CRIM1: variants seen among roughly 807,000 people sequenced by gnomAD.
The protein encoded by CRIM1 is cysteine rich transmembrane BMP regulator 1.
CRIM1 carries 32 observed loss-of-function variants against 116.4 expected under a neutral mutation model. The observed-to-expected ratio is 0.27, with a 90% CI of 0.21 to 0.37. The LOEUF is 0.37. Among genes scored for constraint, CRIM1 ranks in the 10% least tolerant of loss-of-function variants. The probability of loss-of-function intolerance (pLI) is 1.00; values close to 1 mark genes in which losing one functional copy is unlikely to be tolerated. For missense variants in CRIM1, 1,331 were observed against 1,354.8 expected, an observed-to-expected ratio of 0.98 and a Z score of 0.28; for synonymous variants, 590 against 509.2, an observed-to-expected ratio of 1.16 and a Z score of -2.13.
chr2:36,384,102 TA>T (rs1270777897), intron 1 of CRIM1, among the ~76,000 whole-genome samples: 1 of 152,206 alleles, frequency 6.6e-6, no homozygotes, highest in Non-Finnish European at 1.5e-5. Context: ...ACCACAGTGG[TA>T]TCTGGTTTGC....
rs549562758 is a variant in CRIM1, at chr2:36,485,422, A to G, written c.1372+5728A>G. On this transcript the variant is annotated intron_variant, in intron 7 of 16. Transcript: ENST00000280527. Reference sequence around the variant, plus strand: ...TGGAGTTCTGTGAGCTGTCAAATATATTGTCGTCTTCTTCATCAATCCCAA... The same window carrying G: ...TGGAGTTCTGTGAGCTGTCAAATATGTTGTCGTCTTCTTCATCAATCCCAA... Among the ~76,000 whole-genome samples, 12 of 152,224 alleles carry G rather than the reference A, an allele frequency of 7.9e-5. No individual in the cohort carries two copies. In the South Asian group the frequency reaches 2.5e-3, roughly 32 times the overall value.
intron 1 of CRIM1, among the ~76,000 whole-genome samples, chr2:36,358,054 G>A (rs1336866711): frequency 1.3e-5 from 2 of 152,118 alleles, no homozygotes; most frequent in Non-Finnish European, 2.9e-5. Flanking sequence ...GAAGCTAGTG[G>A]GCAGTGATGA....
intron 13 of CRIM1, among the ~76,000 whole-genome samples, chr2:36,522,600 A>C (rs985333354): frequency 6.6e-6 from 1 of 151,968 alleles, no homozygotes; most frequent in Non-Finnish European, 1.5e-5. Context: ...TCAGGAGTTC[A>C]AGACCAGCCT....
chr2:36,425,178 A>G (rs1674358818), intron 2 of CRIM1, among the ~76,000 whole-genome samples: 1 of 152,346 alleles, frequency 6.6e-6, no homozygotes, highest in East Asian at 1.9e-4. Context: ...CTGTGGGTCA[A>G]GTAGCTGCTC....
At chr2:36,394,943 G>A (rs766578187) in intron 1 of CRIM1, among the ~76,000 whole-genome samples, 1 of 150,932 alleles carries the variant, frequency 6.6e-6, no homozygotes, top group Non-Finnish European at 1.5e-5. Context: ...CTTCACTTAC[G>A]TACTGAGCAA....
chr2:36,358,445 C>T (rs1669001549), intron 1 of CRIM1, among the ~76,000 whole-genome samples: 1 of 152,196 alleles, frequency 6.6e-6, no homozygotes, highest in South Asian at 2.1e-4. Flanking sequence ...AAGATTCTAA[C>T]CCTTGTTTTG....
At chr2:36,448,752 A>C (rs926247965) in intron 4 of CRIM1, among the ~76,000 whole-genome samples, 1 of 152,200 alleles carries the variant, frequency 6.6e-6, no homozygotes, top group African/African-American at 2.4e-5. Flanking sequence ...GCCGTTCTTA[A>C]AAGTTATTGA....
intron 11 of CRIM1, among the ~76,000 whole-genome samples, chr2:36,514,958 A>G (rs1664942249): frequency 6.6e-6 from 1 of 152,192 alleles, no homozygotes; most frequent in Non-Finnish European, 1.5e-5. Flanking sequence ...GTTTCCCTGT[A>G]GTTCAGTTAG....
chr2:36,502,585 T>C (rs777456480), intron 8 of CRIM1, among the ~76,000 whole-genome samples: 3 of 152,236 alleles, frequency 2.0e-5, no homozygotes, highest in Non-Finnish European at 4.4e-5. Context: ...ATTCTAGGTA[T>C]TAAGGCCACA....
At position 36,444,147 on chromosome 2, in the gene CRIM1, G is replaced by A. The variant is rs572827018; in HGVS notation, c.869+1412G>A. On this transcript the variant is annotated intron_variant, in intron 4 of 16. Transcript: ENST00000280527. Reference sequence around the variant, plus strand: ...AATCAAAACTAAGCCGGTTGTTAACGAGGTAGTCCTTTAGTGAGGAAAATG... The same window carrying A: ...AATCAAAACTAAGCCGGTTGTTAACAAGGTAGTCCTTTAGTGAGGAAAATG... Among the ~76,000 whole-genome samples, 396 of 152,312 alleles carry A rather than the reference G, an allele frequency of 2.6e-3. 1 individual carries two copies. Among genetic ancestry groups the A allele is most frequent in the Middle Eastern group, 6.8e-3 (2 of 292 alleles).
At chr2:36,510,464 C>G (rs1664582411) in intron 9 of CRIM1, among the ~76,000 whole-genome samples, 2 of 152,142 alleles carry the variant, frequency 1.3e-5, no homozygotes, top group South Asian at 4.1e-4. Context: ...GTTGGAAGTG[C>G]TACAACTCTT....
intron 1 of CRIM1, among the ~76,000 whole-genome samples, chr2:36,373,836 C>G (rs1303260282): frequency 6.6e-6 from 1 of 152,120 alleles, no homozygotes; most frequent in Non-Finnish European, 1.5e-5. Flanking sequence ...ATGTGCGTGT[C>G]CTGGTAGTCT....
At position 36,547,071 on chromosome 2, in the gene CRIM1, T is replaced by C. The variant is rs1667401736; in HGVS notation, c.2834T>C (p.Val945Ala). ...CTGGACTCCATTGCCTCAGTTGTGG[T>C]TCCCATAATTATATGCCTCTCTATT... ...SSLDSIASVV[V>A]PIIICLSIII... The change falls in exon 16 of 17, where the codon GTT becomes GCT. Residue 945 changes from valine (V) to alanine (A), a missense_variant. This residue lies in a region of CRIM1 where 283 missense variants were observed against 242.8 expected (regional missense o/e 1.17). Coordinates refer to ENST00000280527, the MANE Select transcript of CRIM1 (RefSeq NM_016441.3). 6.2e-7 allele frequency: 1 copy of C among 1,611,874 alleles called. No individual in the cohort carries two copies. The highest frequency in any genetic ancestry group is 1.3e-5 in the African/African-American group (1 of 74,830).
chr2:36,372,887 C>A (rs72785164), intron 1 of CRIM1, among the ~76,000 whole-genome samples: 11,730 of 152,078 alleles, frequency 0.077, 613 homozygotes, highest in Non-Finnish European at 0.11. Flanking sequence ...CTCTGGTTGT[C>A]CATAATGAAC....
chr2:36,538,267 A>G (rs1345133357), intron 14 of CRIM1, among the ~76,000 whole-genome samples: 2 of 151,994 alleles, frequency 1.3e-5, no homozygotes, highest in African/African-American at 2.4e-5. Flanking sequence ...CTCCTGCCAA[A>G]CAATTCCTCT....
intron 7 of CRIM1, among the ~76,000 whole-genome samples, chr2:36,480,381 G>A (rs991174748): frequency 2.6e-5 from 4 of 152,188 alleles, no homozygotes; most frequent in African/African-American, 9.7e-5. Flanking sequence ...GTCCATGTGT[G>A]TTAGTGCAGA....
chr2:36,440,598 C>T (rs552820338), intron 2 of CRIM1, among the ~76,000 whole-genome samples: 2 of 152,266 alleles, frequency 1.3e-5, no homozygotes, highest in African/African-American at 4.8e-5. Context: ...AGCAATGGGT[C>T]GGCAGATAAT....
intron 2 of CRIM1, among the ~76,000 whole-genome samples, chr2:36,414,461 G>A (rs1377223267): frequency 6.6e-6 from 1 of 152,160 alleles, no homozygotes; most frequent in African/African-American, 2.4e-5. Context: ...TTCAGACACT[G>A]TGCTAGATTC....
At chr2:36,513,372 T>C in intron 10 of CRIM1, 184 bp from the exon 11 acceptor site, 2 of 570,094 alleles carry the variant, frequency 3.5e-6, no homozygotes, top group Non-Finnish European at 6.3e-6. Flanking sequence ...TTTTCTCTCT[T>C]TTCTTTTTTC....
Sources: gnomAD v4.1 joint callset for allele counts (sites outside exome capture counted in the v4.1 genomes callset) on GRCh38, gnomAD v4.1.1 for gene constraint, gnomAD v4.1.1 regional missense constraint, MANE v1.5 for transcripts, NCBI Gene and HGNC (gene_info 2026-07-23, HGNC 2026-07-21) for gene names.